Variants in FBXL5 observed in about 807,000 individuals in gnomAD.
FBXL5 encodes the protein F-box/LRR-repeat protein 5.
In FBXL5, 26 loss-of-function variants were observed where a neutral mutation model predicts 78.3. The ratio of observed to expected loss-of-function variants is 0.33; its 90% CI spans 0.24 to 0.46. FBXL5 has a LOEUF of 0.46. Ranked by LOEUF, FBXL5 falls within the 20% of genes least tolerant of loss-of-function variation. FBXL5 has a pLI of 1.00. For missense variants in FBXL5, 710 were observed against 829.2 expected, an observed-to-expected ratio of 0.86 and a Z score of 1.77; for synonymous variants, 295 against 282.5, an observed-to-expected ratio of 1.04 and a Z score of -0.45.
chr4:15,614,071 G>A (rs1009441983), intron 9 of FBXL5, among the ~76,000 whole-genome samples: 7 of 152,198 alleles, frequency 4.6e-5, no homozygotes, highest in African/African-American at 1.7e-4. Context: ...GGTAGACTAT[G>A]TCAGAGGGAA....
At chr4:15,620,381 T>A (rs1577433923) in intron 9 of FBXL5, among the ~76,000 whole-genome samples, 1 of 152,120 alleles carries the variant, frequency 6.6e-6, no homozygotes, top group East Asian at 1.9e-4. Context: ...TTTAATGCAA[T>A]CCCTATCAAA....
intron 2 of FBXL5, 87 bp from the exon 3 acceptor site, chr4:15,640,970 A>G (rs1714805190): frequency 1.6e-6 from 1 of 635,178 alleles, no homozygotes; most frequent in African/African-American, 2.1e-5. Flanking sequence ...TGTGACATAA[A>G]ACCTCCGGGG....
chr4:15,617,642 A>G (rs1186546530), intron 9 of FBXL5, among the ~76,000 whole-genome samples: 1 of 152,214 alleles, frequency 6.6e-6, no homozygotes, highest in Non-Finnish European at 1.5e-5. Context: ...TTCCAGGGAC[A>G]TGGGTGGAGC....
rs140846602 is a variant in FBXL5, at chr4:15,640,985, A to C, written c.301-102T>G. The C allele has an allele frequency of 4.2e-3, 2,313 of 553,798 alleles. 41 individuals carry two copies. Among genetic ancestry groups the C allele is most frequent in the East Asian group, 0.03 (909 of 30,318 alleles). The allele number at this position is 553,798 out of a possible 1,614,324, so 34.3% of individuals were successfully genotyped here. ...TGTGACATAAAACCTCCGGGGAAAA[A>C]AAAATAGACAAATTGCAAAGTGGTC... On this transcript the variant is annotated intron_variant, in intron 2 of 10. Transcript: ENST00000341285.
intron 9 of FBXL5, among the ~76,000 whole-genome samples, chr4:15,617,109 T>TA (rs1270150264): frequency 6.6e-6 from 1 of 152,164 alleles, no homozygotes; most frequent in African/African-American, 2.4e-5. Context: ...GCAATCCCAT[T>TA]ACTAGGTATA....
intron 2 of FBXL5, among the ~76,000 whole-genome samples, chr4:15,643,570 TA>T (rs11302006): frequency 0.63 from 96,431 of 151,912 alleles, 30,729 homozygotes; most frequent in Non-Finnish European, 0.65. Flanking sequence ...TATGTCTGGC[TA>T]AATTTTTATA....
intron 9 of FBXL5, among the ~76,000 whole-genome samples, chr4:15,618,404 T>A (rs1712127257): frequency 6.6e-6 from 1 of 152,122 alleles, no homozygotes; most frequent in Non-Finnish European, 1.5e-5. Context: ...ACTCTCATAA[T>A]CCAGAAACTC....
chr4:15,672,246 C>A (rs1320926567), intron 1 of FBXL5, among the ~76,000 whole-genome samples: 1 of 152,230 alleles, frequency 6.6e-6, no homozygotes, highest in East Asian at 1.9e-4. Flanking sequence ...ACCCAATGCT[C>A]CGTGAATGAG....
Position 15,625,522 on chromosome 4 carries a change from C to G in FBXL5, c.1580G>C (p.Gly527Ala), listed in dbSNP as rs1254025955. ...CTGCCAACAGACACTAGTCCTTAGT[C>G]CAACAATGTCCTTACTAAAACAACC... ...TSGCFSKDIV[G>A]LRTSVCWQQH... The change falls in exon 9 of 11, where the codon GGA (glycine) becomes GCA (alanine). Residue 527 changes from glycine (G) to alanine (A), a missense_variant. By Grantham distance (60) the Gly-to-Ala change is moderately conservative. Transcript: ENST00000341285. 2 of 1,613,948 alleles carry G rather than the reference C, an allele frequency of 1.2e-6. No homozygotes were observed. The highest frequency in any genetic ancestry group is 1.3e-5 in the African/African-American group (1 of 74,930).
intron 9 of FBXL5, among the ~76,000 whole-genome samples, chr4:15,620,715 T>C (rs1712385267): frequency 1.3e-5 from 2 of 152,246 alleles, no homozygotes; most frequent in Non-Finnish European, 2.9e-5. Flanking sequence ...CTGTGACATG[T>C]TCATGATGGC....
intron 1 of FBXL5, among the ~76,000 whole-genome samples, chr4:15,665,567 G>A (rs559536899): frequency 2.0e-5 from 3 of 151,908 alleles, no homozygotes; most frequent in Non-Finnish European, 4.4e-5. Context: ...TATAACCCAA[G>A]TTTATATTTG....
chr4:15,658,257 G>C (rs1420703659), upstream of FBXL5, among the ~76,000 whole-genome samples: 1 of 152,224 alleles, frequency 6.6e-6, no homozygotes, highest in African/African-American at 2.4e-5. Context: ...GACCCAGTTG[G>C]AATCATAGTC....
intron 5 of FBXL5, among the ~76,000 whole-genome samples, chr4:15,635,965 T>A (rs1162410703): frequency 1.3e-5 from 2 of 152,028 alleles, no homozygotes; most frequent in Non-Finnish European, 2.9e-5. Context: ...GCATTACCAA[T>A]CAAATAAAGA....
At chr4:15,645,973 T>C (rs2148674943) in intron 1 of FBXL5, among the ~76,000 whole-genome samples, 1 of 152,354 alleles carries the variant, frequency 6.6e-6, no homozygotes, top group East Asian at 1.9e-4. Context: ...CTTGCCTTTA[T>C]GGAGTTTCCA....
chr4:15,612,812 T>C (rs1722357811), intron 9 of FBXL5, among the ~76,000 whole-genome samples: 1 of 152,098 alleles, frequency 6.6e-6, no homozygotes, highest in African/African-American at 2.4e-5. Flanking sequence ...AAAAAAATTA[T>C]AGATACACCT....
At chr4:15,621,139 C>T (rs370622366) in intron 9 of FBXL5, among the ~76,000 whole-genome samples, 78 of 152,212 alleles carry the variant, frequency 5.1e-4, no homozygotes, top group African/African-American at 1.8e-3. Context: ...GAGCTGGTCT[C>T]GGCAGTCTAT....
upstream of FBXL5, among the ~76,000 whole-genome samples, chr4:15,661,179 C>G (rs1206195273): frequency 6.6e-6 from 1 of 152,152 alleles, no homozygotes; most frequent in Non-Finnish European, 1.5e-5. Flanking sequence ...AATGTCTCTA[C>G]CAAGGTGATT....
chr4:15,653,103 T>A (rs1012450455), intron 1 of FBXL5, among the ~76,000 whole-genome samples: 1 of 151,492 alleles, frequency 6.6e-6, no homozygotes. Flanking sequence ...AAAATTCCTA[T>A]GCATTTTTTT....
chr4:15,660,738 C>T (rs899629504), upstream of FBXL5, among the ~76,000 whole-genome samples: 12 of 152,184 alleles, frequency 7.9e-5, no homozygotes, highest in African/African-American at 2.9e-4. Context: ...CTCTCCCAGG[C>T]TGACTTGTTA....
Sources: allele counts gnomAD v4.1 joint callset (sites outside exome capture counted in the v4.1 genomes callset), GRCh38; gene constraint gnomAD v4.1.1; transcripts MANE v1.5; gene names NCBI Gene and HGNC (gene_info 2026-07-23, HGNC 2026-07-21).